Variants in AKR1B15 observed in about 807,000 individuals in gnomAD.
AKR1B15 encodes the protein estradiol 17-beta-dehydrogenase AKR1B15.
In AKR1B15, 49 loss-of-function variants were observed where a neutral mutation model predicts 38.5. The ratio of observed to expected loss-of-function variants is 1.27; its 90% CI spans 1.01 to 1.62. The LOEUF (loss-of-function observed/expected upper bound fraction) is 1.62, where lower values mean the gene tolerates loss of function less well. Ranked by LOEUF, AKR1B15 falls within the 40% of genes most tolerant of loss-of-function variation. AKR1B15 has a pLI of 0.00. For missense variants in AKR1B15, 411 were observed against 381.6 expected, an observed-to-expected ratio of 1.08 and a Z score of -0.64; for synonymous variants, 137 against 135.5, an observed-to-expected ratio of 1.01 and a Z score of -0.08.
intron 2 of AKR1B15, 130 bp from the exon 3 acceptor site, chr7:134,564,468 A>T: frequency 2.1e-6 from 1 of 471,948 alleles, no homozygotes; most frequent in Non-Finnish European, 3.7e-6. Flanking sequence ...TGCCTTTCTA[A>T]TTCTTACACC....
rs560729851 is a variant in AKR1B15 at position 134,563,242 on chromosome 7, C to T, written c.-22-1356C>T. ...GCAGGGAAGCTACTGTGGCCAGGCT[C>T]CAGCTCTTCCCACTGCAGCTAGCAC... On this transcript the variant is annotated intron_variant, in intron 2 of 11. Coordinates refer to ENST00000457545, the MANE Select transcript of AKR1B15 (RefSeq NM_001080538.3). Among the ~76,000 whole-genome samples, 3 of 152,282 alleles carry T rather than the reference C, an allele frequency of 2.0e-5. No individual in the cohort carries two copies. The South Asian group carries it at 6.2e-4, about 32-fold the overall frequency.
At chr7:134,578,252 G>T (rs898422215) in intron 11 of AKR1B15, among the ~76,000 whole-genome samples, 6 of 152,182 alleles carry the variant, frequency 3.9e-5, no homozygotes, top group Non-Finnish European at 8.8e-5. Context: ...AGGGCAAAGT[G>T]GACAGGAAGT....
intron 2 of AKR1B15, among the ~76,000 whole-genome samples, chr7:134,560,912 T>C (rs1255916084): frequency 2.6e-5 from 4 of 152,208 alleles, no homozygotes; most frequent in African/African-American, 9.6e-5. Context: ...GAGCCAAGGC[T>C]AATTAATTCA....
At chr7:134,579,180 C>T (rs1585819225) in intron 11 of AKR1B15, among the ~76,000 whole-genome samples, 1 of 152,174 alleles carries the variant, frequency 6.6e-6, no homozygotes, top group South Asian at 2.1e-4. Context: ...CCCAAGCTGT[C>T]AATTCTGCTG....
intron 5 of AKR1B15, 142 bp from the exon 6 acceptor site, chr7:134,571,462 A>G: frequency 2.9e-6 from 2 of 694,774 alleles, no homozygotes; most frequent in Non-Finnish European, 2.6e-6. Context: ...TTAAACTCAC[A>G]TTCTTGTAGT....
chr7:134,575,877 G>C lies in AKR1B15; in HGVS notation c.693G>C (p.Lys231Asn), dbSNP rs1274824885. 2 of 1,613,640 alleles carry C rather than the reference G, an allele frequency of 1.2e-6. No homozygotes were observed. The highest frequency in any genetic ancestry group is 2.7e-5 in the African/African-American group (2 of 74,894). The change falls in exon 8 of 12, where the codon AAG (lysine) becomes AAC (asparagine). Residue 231 changes from lysine to asparagine, a missense_variant. This residue lies in a region of AKR1B15 where 24 missense variants were observed against 48.9 expected (regional missense o/e 0.49). Transcript: ENST00000457545. ...AACTGATCCAGTACTGCCACTCCAA[G>C]GGCATCACCGTTACGGCCTACAGCC... ...QEKLIQYCHSKGITVTAYSPL... is the reference protein window; with the variant it reads ...QEKLIQYCHSNGITVTAYSPL...
intron 1 of AKR1B15, among the ~76,000 whole-genome samples, chr7:134,550,061 C>T (rs764486872): frequency 3.9e-5 from 6 of 152,236 alleles, no homozygotes; most frequent in Non-Finnish European, 7.4e-5. Context: ...CCATACCCCA[C>T]GCCCCAACGA....
Position 134,569,316 on chromosome 7 carries a change from G to A in AKR1B15, c.319-97G>A, listed in dbSNP as rs1439909422. 5 of 1,436,116 alleles carry A rather than the reference G, an allele frequency of 3.5e-6. No homozygotes were observed. In the East Asian group the frequency reaches 1.1e-4, roughly 33 times the overall value. 89.0% of individuals were successfully genotyped at this position (1,436,116 alleles called of 1,614,324 possible). Reference sequence around the variant, plus strand: ...GCTTTGTTATAGATGGCCTGAGCCAGGTTAGATGAGGATGCAAATCAAAAA... The same window carrying A: ...GCTTTGTTATAGATGGCCTGAGCCAAGTTAGATGAGGATGCAAATCAAAAA... On this transcript the variant is annotated intron_variant, in intron 4 of 11. Coordinates refer to ENST00000457545, the MANE Select transcript of AKR1B15 (RefSeq NM_001080538.3).
intron 6 of AKR1B15, chr7:134,573,363 TA>T: frequency 1.0e-6 from 1 of 985,402 alleles, no homozygotes; most frequent in South Asian, 4.7e-5. Flanking sequence ...GTTTTTGCCT[TA>T]GCTCCTATGA....
chr7:134,575,003 C>A (rs1254640546), intron 6 of AKR1B15, among the ~76,000 whole-genome samples: 1 of 152,198 alleles, frequency 6.6e-6, no homozygotes, highest in African/African-American at 2.4e-5. Context: ...TTTGGGTGTA[C>A]AATGTACACA....
intron 3 of AKR1B15, among the ~76,000 whole-genome samples, chr7:134,566,409 A>C (rs1473731754): frequency 6.6e-6 from 1 of 152,166 alleles, no homozygotes; most frequent in East Asian, 1.9e-4. Flanking sequence ...TGAAATCTGC[A>C]ACATGCTGGG....
At chr7:134,574,187 C>A (rs1413695166) in intron 6 of AKR1B15, among the ~76,000 whole-genome samples, 1 of 152,168 alleles carries the variant, frequency 6.6e-6, no homozygotes, top group Non-Finnish European at 1.5e-5. Context: ...GCCACTGCAT[C>A]CAGCCAGTAC....
At chr7:134,574,226 T>G (rs1188619295) in intron 6 of AKR1B15, among the ~76,000 whole-genome samples, 1 of 152,152 alleles carries the variant, frequency 6.6e-6, no homozygotes, top group Non-Finnish European at 1.5e-5. Flanking sequence ...GATTCCAAAT[T>G]GCAGCCAAAA....
chr7:134,550,945 G>A (rs931997092), intron 1 of AKR1B15, among the ~76,000 whole-genome samples: 1 of 152,100 alleles, frequency 6.6e-6, no homozygotes, highest in East Asian at 1.9e-4. Flanking sequence ...CGGTCACCCC[G>A]ATCAGTTTCC....
rs138906116 is a variant in AKR1B15, at chr7:134,562,381, T to A, written c.-22-2217T>A. ...TGACCAGCTTTAATTCCCTTATTTGTCCCTACCCACTTCCTGTTGATTGGT... is the reference window on the plus strand; with the variant it reads ...TGACCAGCTTTAATTCCCTTATTTGACCCTACCCACTTCCTGTTGATTGGT... On this transcript the variant is annotated intron_variant, in intron 2 of 11. Coordinates refer to ENST00000457545, the MANE Select transcript of AKR1B15 (RefSeq NM_001080538.3). Among the ~76,000 whole-genome samples, 355 of 152,274 alleles carry A rather than the reference T, an allele frequency of 2.3e-3. 1 individual carries two copies. The highest frequency in any genetic ancestry group is 6.8e-3 in the African/African-American group (282 of 41,556).
intron 5 of AKR1B15, chr7:134,569,846 AG>A: frequency 3.4e-6 from 1 of 289,892 alleles, no homozygotes; most frequent in Non-Finnish European, 6.8e-6. Context: ...ATGTCGCCTC[AG>A]GACCCTGTGA....
intron 5 of AKR1B15, 92 bp downstream of exon 5, chr7:134,569,621 G>A: frequency 1.5e-6 from 2 of 1,306,004 alleles, no homozygotes; most frequent in Non-Finnish European, 2.2e-6. Flanking sequence ...AGCCATGGCA[G>A]AAGAACATAA....
At position 134,569,498 on chromosome 7, in the gene AKR1B15, T is replaced by C; in HGVS notation, c.404T>C (p.Val135Ala). The change falls in exon 5 of 12, where the codon GTC (valine) becomes GCC (alanine). Residue 135 changes from valine to alanine, a missense_variant. This residue lies in a region of AKR1B15 where 254 missense variants were observed against 212.4 expected (regional missense o/e 1.20). Transcript: ENST00000457545. The stretch of plus-strand genomic sequence containing the variant: ...GACCTGAAGCTGAGCTATCTGGACG[T>C]CTATCTTATTCACTGGCCACAGGGA... ...LKDLKLSYLD[V>A]YLIHWPQGFK... is the part of the protein sequence containing the mutation. 1 of 1,614,080 alleles carries C rather than the reference T, an allele frequency of 6.2e-7. No individual in the cohort carries two copies. Among genetic ancestry groups the C allele is most frequent in the East Asian group, 2.2e-5 (1 of 44,878 alleles).
chr7:134,562,875 TTTCTTTCTTTCTTTCC>T (rs1482426434), intron 2 of AKR1B15, among the ~76,000 whole-genome samples: 18 of 133,004 alleles, frequency 1.4e-4, no homozygotes, highest in African/African-American at 5.1e-4. Context: ...TCTTTCTTTC[TTTCTTTCTTTCTTTCC>T]TTCTTTCTTC....
Sources: gnomAD v4.1 joint callset for allele counts (sites outside exome capture counted in the v4.1 genomes callset) on GRCh38, gnomAD v4.1.1 for gene constraint, gnomAD v4.1.1 regional missense constraint, MANE v1.5 for transcripts, NCBI Gene and HGNC (gene_info 2026-07-23, HGNC 2026-07-21) for gene names.